Variants in DOCK2 observed in about 807,000 individuals in gnomAD.
DOCK2 encodes the protein dedicator of cytokinesis protein 2.
A neutral mutation model predicts 248.9 loss-of-function variants in DOCK2; 87 were observed. The ratio of observed to expected loss-of-function variants is 0.35; its 90% confidence interval spans 0.29 to 0.42. The LOEUF is 0.42. Among genes scored for constraint, DOCK2 ranks in the 10% least tolerant of loss-of-function variants. The pLI is 1.00. For synonymous variants in DOCK2, 805 were observed against 821.6 expected (o/e 0.98, Z 0.35); for missense variants, 1,747 against 2,300.2 (o/e 0.76, Z 4.92).
intron 26 of DOCK2, among the ~76,000 whole-genome samples, chr5:169,833,258 C>T (rs2113298783): frequency 6.6e-6 from 1 of 152,302 alleles, no homozygotes; most frequent in East Asian, 1.9e-4. Context: ...AAAATCACCT[C>T]ACTTCTAAAT....
At chr5:169,945,953 T>G (rs367919526) in intron 27 of DOCK2, among the ~76,000 whole-genome samples, 75 of 152,308 alleles carry the variant, frequency 4.9e-4, no homozygotes, top group African/African-American at 1.7e-3. Flanking sequence ...GGAAGCCACA[T>G]GAGCAGGCCA....
rs375624537 is a variant in DOCK2 at position 169,958,826 on chromosome 5, A to T, written c.2800-24242A>T. On this transcript the variant is annotated intron_variant, in intron 27 of 51. Coordinates refer to ENST00000520908, the MANE Select transcript of DOCK2 (RefSeq NM_004946.3). The stretch of plus-strand genomic sequence containing the variant: ...AATTGGTTCAGGGCAAAGGGGTCTC[A>T]CCTTTTCATGCTTCTCTGTTTTGCC... Among the ~76,000 whole-genome samples, 50 of 152,166 alleles carry T rather than the reference A, an allele frequency of 3.3e-4. No individual in the cohort carries two copies. In the South Asian group the frequency reaches 8.9e-3, roughly 27 times the overall value.
intron 27 of DOCK2, among the ~76,000 whole-genome samples, chr5:169,964,752 G>A (rs1480260016): frequency 6.6e-6 from 1 of 152,248 alleles, no homozygotes; most frequent in African/African-American, 2.4e-5. Context: ...TTTCAGATGA[G>A]CTGCTTCTCC....
chr5:169,705,508 G>A (rs1203086865), intron 14 of DOCK2, among the ~76,000 whole-genome samples: 1 of 152,158 alleles, frequency 6.6e-6, no homozygotes, highest in African/African-American at 2.4e-5. Context: ...AGGATGTTGA[G>A]GCAGTTACAT....
chr5:170,024,598 A>G (rs1166793534), intron 33 of DOCK2, among the ~76,000 whole-genome samples: 1 of 152,090 alleles, frequency 6.6e-6, no homozygotes, highest in Non-Finnish European at 1.5e-5. Context: ...TTTGCCCTTT[A>G]ATTTGTTACA....
intron 40 of DOCK2, among the ~76,000 whole-genome samples, chr5:170,047,988 T>G (rs1193881739): frequency 5.3e-5 from 8 of 152,224 alleles, no homozygotes; most frequent in Admixed American, 5.2e-4. Context: ...TCTTAAAAAT[T>G]ATTGAGGATC....
chr5:170,025,894 C>G (rs1298650301), intron 33 of DOCK2, among the ~76,000 whole-genome samples: 3 of 149,906 alleles, frequency 2.0e-5, no homozygotes, highest in African/African-American at 7.4e-5. Flanking sequence ...CTTCTCTGCT[C>G]AAGCTGAACT....
At chr5:169,813,179 T>C (rs1767862399) in intron 26 of DOCK2, among the ~76,000 whole-genome samples, 1 of 152,222 alleles carries the variant, frequency 6.6e-6, no homozygotes, top group Non-Finnish European at 1.5e-5. Context: ...GTTTAGGAAT[T>C]TTGTGAGGCA....
intron 22 of DOCK2, among the ~76,000 whole-genome samples, chr5:169,743,916 T>A (rs985148419): frequency 4.0e-5 from 6 of 148,756 alleles, no homozygotes; most frequent in Non-Finnish European, 7.4e-5. Context: ...AATTATAAAT[T>A]TAAGATTTAT....
rs574805098 is a variant in DOCK2 at position 169,821,378 on chromosome 5, G to A, written c.2703+18172G>A. Among the ~76,000 whole-genome samples, 18 of 152,220 alleles carry A rather than the reference G, an allele frequency of 1.2e-4. No homozygotes were observed. The South Asian group carries it at 3.3e-3, about 28-fold the overall frequency. ...TTAAGGGCAGCCAGAGAGAAAGGTC[G>A]GGTTACCCACAAAGGGAAGCCCATC... On this transcript the variant is annotated intron_variant, in intron 26 of 51. Coordinates refer to ENST00000520908, the MANE Select transcript of DOCK2 (RefSeq NM_004946.3).
intron 32 of DOCK2, among the ~76,000 whole-genome samples, chr5:170,010,301 C>T (rs1230722301): frequency 6.6e-6 from 1 of 152,192 alleles, no homozygotes; most frequent in South Asian, 2.1e-4. Context: ...AAAGGCATGT[C>T]TTTCTCAGTC....
chr5:169,652,759 G>A (rs567864729), intron 1 of DOCK2, among the ~76,000 whole-genome samples: 1 of 152,252 alleles, frequency 6.6e-6, no homozygotes, highest in South Asian at 2.1e-4. Flanking sequence ...GGGAAGGAAG[G>A]GAAGGAGATA....
In DOCK2 at chr5:169,874,550, C is replaced by T. The variant is rs188376375; in HGVS notation, c.2799+33698C>T. On this transcript the variant is annotated intron_variant, in intron 27 of 51. Coordinates refer to ENST00000520908, the MANE Select transcript of DOCK2 (RefSeq NM_004946.3). ...GGTTCCCAAGCAAGGGGTGACCATA[C>T]CCCTATCCTGAAGTGGGAATGTAGT... Among the ~76,000 whole-genome samples the T allele has an allele frequency of 3.4e-4, 51 of 152,176 alleles. 1 individual carries two copies. The highest frequency in any genetic ancestry group is 1.2e-3 in the African/African-American group (49 of 41,514).
intron 21 of DOCK2, among the ~76,000 whole-genome samples, chr5:169,718,309 A>G (rs1316032793): frequency 6.6e-6 from 1 of 152,164 alleles, no homozygotes; most frequent in Admixed American, 6.5e-5. Flanking sequence ...CTGTGATATT[A>G]CAAGAGCATG....
At chr5:169,864,449 C>T in intron 27 of DOCK2, 1 of 1,541,152 alleles carries the variant, frequency 6.5e-7, no homozygotes, top group East Asian at 2.4e-5. Flanking sequence ...TGCCGAAAAT[C>T]ATACTCTACA....
At chr5:169,891,983 G>A (rs1465133446) in intron 27 of DOCK2, among the ~76,000 whole-genome samples, 3 of 136,346 alleles carry the variant, frequency 2.2e-5, no homozygotes, top group Non-Finnish European at 3.1e-5. Flanking sequence ...GCAACAGTGC[G>A]AGATTCCGTC....
chr5:169,990,158 G>A (rs1377013724), intron 29 of DOCK2, among the ~76,000 whole-genome samples: 1 of 151,956 alleles, frequency 6.6e-6, no homozygotes, highest in Non-Finnish European at 1.5e-5. Flanking sequence ...GAGTGCAATG[G>A]CACGATCTCA....
intron 26 of DOCK2, among the ~76,000 whole-genome samples, chr5:169,827,630 C>T (rs964969514): frequency 6.6e-6 from 1 of 152,088 alleles, no homozygotes; most frequent in Non-Finnish European, 1.5e-5. Flanking sequence ...CATCTTTCTA[C>T]CATCCAGAAA....
intron 33 of DOCK2, 126 bp downstream of exon 33, chr5:170,019,234 T>G (rs776223540): frequency 2.1e-6 from 3 of 1,433,500 alleles, no homozygotes; most frequent in Admixed American, 1.9e-5. Context: ...GGGACATTTA[T>G]TCATGGGTCC....
Sources: gnomAD v4.1 joint callset for allele counts (sites outside exome capture counted in the v4.1 genomes callset) on GRCh38, gnomAD v4.1.1 for gene constraint, MANE v1.5 for transcripts, NCBI Gene and HGNC (gene_info 2026-07-23, HGNC 2026-07-21) for gene names.